Variants in PURB observed in about 807,000 individuals in gnomAD.
The protein encoded by PURB is transcriptional regulator protein Pur-beta.
In PURB, 11 loss-of-function variants were observed where a neutral mutation model predicts 21.1. The ratio of observed to expected loss-of-function variants is 0.52; its 90% CI spans 0.33 to 0.86. The LOEUF is 0.86. PURB is among the 40% of genes least tolerant of loss of function. PURB has a pLI of 0.02. For missense variants in PURB, 357 were observed against 456.5 expected, an observed-to-expected ratio of 0.78 and a Z score of 1.99; for synonymous variants, 246 against 210.8, an observed-to-expected ratio of 1.17 and a Z score of -1.45.
Position 44,884,710 on chromosome 7 carries a change from G to A in PURB, c.639C>T (p.Gly213=), listed in dbSNP as rs1793929734. ...CCTCCGGGAGCTCTCCATACAGGCC[G>A]CCCCCTGGGCCCCCGGCGCCGCCTC... is the stretch of plus-strand genomic sequence containing the variant. ...GPGGGAGGPG[G]GLYGELPEGT... is the part of the protein sequence containing the mutation. Residue 213 remains glycine (G), a synonymous_variant, in exon 1 of 1, where the codon GGC becomes GGT. Transcript: ENST00000395699. 1.2e-6 allele frequency: 2 copies of A among 1,612,972 alleles called. No homozygotes were observed. The highest frequency in any genetic ancestry group is 1.7e-6 in the Non-Finnish European group (2 of 1,179,808).
rs1288381931 is a variant in PURB, at chr7:44,881,043, A to G, written c.*3367T>C. On this transcript the variant is annotated 3_prime_UTR_variant, in exon 1 of 1. Transcript: ENST00000395699. ...AATAGAAACCAAAACCAAAACATAG[A>G]AGGAAGAGTAGTAGGATCTCTTCAC... 2 of 152,638 alleles carry G rather than the reference A, an allele frequency of 1.3e-5. No individual in the cohort carries two copies. Among genetic ancestry groups the G allele is most frequent in the Non-Finnish European group, 2.9e-5 (2 of 68,024 alleles). The allele number at this position is 152,638 out of a possible 1,614,324, so 9.5% of individuals were successfully genotyped here.
Position 44,885,496 on chromosome 7 carries a change from T to TCCGCGCCCCGCCC in PURB, c.-161_-149dup, listed in dbSNP as rs1793946691. Reference sequence around the variant, plus strand: ...CGGCCGCCGCCGCCCCCCCATCGCCTCCGCGCCCCGCCCCCGCGACTTCCG... The same window carrying TCCGCGCCCCGCCC: ...CGGCCGCCGCCGCCCCCCCATCGCCTCCGCGCCCCGCCCCCGCGCCCCGCCCCCGCGACTTCCG... On this transcript the variant is annotated 5_prime_UTR_variant, in exon 1 of 1. Coordinates refer to ENST00000395699, the MANE Select transcript of PURB (RefSeq NM_033224.5). The TCCGCGCCCCGCCC allele has an allele frequency of 5.9e-6, 1 of 169,496 alleles. No homozygotes were observed. Among genetic ancestry groups the TCCGCGCCCCGCCC allele is most frequent in the Non-Finnish European group, 1.2e-5 (1 of 84,604 alleles). 10.5% of individuals were successfully genotyped at this position (169,496 alleles called of 1,614,324 possible).
rs2128690888 is a variant in PURB at position 44,876,382 on chromosome 7, T to C, written c.*8028A>G. The C allele has an allele frequency of 6.5e-6, 1 of 152,800 alleles. No homozygotes were observed. Among genetic ancestry groups the C allele is most frequent in the South Asian group, 2.1e-4 (1 of 4,834 alleles). 9.5% of individuals were successfully genotyped at this position (152,800 alleles called of 1,614,324 possible). A position where few individuals can be genotyped will look rare whatever the true frequency, so the allele number is the denominator to read the frequency against. On this transcript the variant is annotated 3_prime_UTR_variant, in exon 1 of 1. Transcript: ENST00000395699. Reference sequence around the variant, plus strand: ...GTAAAACTCCATTTGCAAAAGTCTATTGTAAGGAGTGCACACCAGCAGGAA... The same window carrying C: ...GTAAAACTCCATTTGCAAAAGTCTACTGTAAGGAGTGCACACCAGCAGGAA...
rs1427313608 is a variant in PURB, at chr7:44,880,934, T to A, written c.*3476A>T. On this transcript the variant is annotated 3_prime_UTR_variant, in exon 1 of 1. Transcript: ENST00000395699. The stretch of plus-strand genomic sequence containing the variant: ...GTTTGGTTTTCACTTTGATTTTTGG[T>A]GCCATACAGATTTATATTTTGTTCT... 1 of 152,664 alleles carries A rather than the reference T, an allele frequency of 6.6e-6. No homozygotes were observed. Among genetic ancestry groups the A allele is most frequent in the East Asian group, 1.9e-4 (1 of 5,202 alleles). 9.5% of individuals were successfully genotyped at this position (152,664 alleles called of 1,614,324 possible). A position where few individuals can be genotyped will look rare whatever the true frequency, so the allele number is the denominator to read the frequency against.
chr7:44,884,333 G>A lies in PURB; in HGVS notation c.*77C>T. On this transcript the variant is annotated 3_prime_UTR_variant, in exon 1 of 1. Coordinates refer to ENST00000395699, the MANE Select transcript of PURB (RefSeq NM_033224.5). ...CTTGCTCCCTCTCCACTAGCTCACT[G>A]GGGATGAGCAGGAAAGGGAATTCTC... is the stretch of plus-strand genomic sequence containing the variant. 1 of 1,557,790 alleles carries A rather than the reference G, an allele frequency of 6.4e-7. No homozygotes were observed. The highest frequency in any genetic ancestry group is 8.6e-7 in the Non-Finnish European group (1 of 1,156,562).
Position 44,883,497 on chromosome 7 carries a change from CA to C in PURB, c.*912del, listed in dbSNP as rs1793909461. 6.6e-6 allele frequency: 1 copy of C among 152,628 alleles called. No homozygotes were observed. 9.5% of individuals were successfully genotyped at this position (152,628 alleles called of 1,614,324 possible). A position where few individuals can be genotyped will look rare whatever the true frequency, so the allele number is the denominator to read the frequency against. On this transcript the variant is annotated 3_prime_UTR_variant, in exon 1 of 1. Transcript: ENST00000395699. ...GGTAATGACCTCCATATTTAGAGATCAGGGGAACAACTTTAGTGAGCAGCAA... is the reference window on the plus strand; with the variant it reads ...GGTAATGACCTCCATATTTAGAGATCGGGGAACAACTTTAGTGAGCAGCAA...
rs1249776123 is a variant in PURB at position 44,884,054 on chromosome 7, T to C, written c.*356A>G. Reference sequence around the variant, plus strand: ...ACTGTTATCAATGGTCTGGGTAACTTGGACATGTTTCTTGCCCTGGATGTG... The same window carrying C: ...ACTGTTATCAATGGTCTGGGTAACTCGGACATGTTTCTTGCCCTGGATGTG... On this transcript the variant is annotated 3_prime_UTR_variant, in exon 1 of 1. Transcript: ENST00000395699. 4 of 306,984 alleles carry C rather than the reference T, an allele frequency of 1.3e-5. No individual in the cohort carries two copies. Among genetic ancestry groups the C allele is most frequent in the Non-Finnish European group, 2.4e-5 (4 of 164,466 alleles). The allele number at this position is 306,984 out of a possible 1,614,324, so 19.0% of individuals were successfully genotyped here. A position where few individuals can be genotyped will look rare whatever the true frequency, so the allele number is the denominator to read the frequency against.
rs1043653822 is a variant in PURB at position 44,881,666 on chromosome 7, T to C, written c.*2744A>G. On this transcript the variant is annotated 3_prime_UTR_variant, in exon 1 of 1. Coordinates refer to ENST00000395699, the MANE Select transcript of PURB (RefSeq NM_033224.5). Reference sequence around the variant, plus strand: ...TTTTTGGAGGATTTTCAAATTGATATCTAAAGATTTACATATGATATATTA... The same window carrying C: ...TTTTTGGAGGATTTTCAAATTGATACCTAAAGATTTACATATGATATATTA... The C allele has an allele frequency of 6.5e-6, 1 of 153,008 alleles. No individual in the cohort carries two copies. Among genetic ancestry groups the C allele is most frequent in the Non-Finnish European group, 1.5e-5 (1 of 68,180 alleles). 9.5% of individuals were successfully genotyped at this position (153,008 alleles called of 1,614,324 possible).
In PURB at chr7:44,884,854, G is replaced by A; in HGVS notation, c.495C>T (p.Gly165=). ...GGFGAGPGPG[G]LQSGQTIALP... ...GCGCGATGGTCTGGCCGCTCTGCAA[G>A]CCGCCCGGCCCGGGGCCCGCGCCGA... The change falls in exon 1 of 1, where the codon GGC becomes GGT. Residue 165 remains glycine, a synonymous_variant. Coordinates refer to ENST00000395699, the MANE Select transcript of PURB (RefSeq NM_033224.5). 2 of 1,561,206 alleles carry A rather than the reference G, an allele frequency of 1.3e-6. No individual in the cohort carries two copies. Among genetic ancestry groups the A allele is most frequent in the Non-Finnish European group, 1.7e-6 (2 of 1,155,106 alleles).
rs1169493201 is a variant in PURB at position 44,883,541 on chromosome 7, T to C, written c.*869A>G. On this transcript the variant is annotated 3_prime_UTR_variant, in exon 1 of 1. Coordinates refer to ENST00000395699, the MANE Select transcript of PURB (RefSeq NM_033224.5). The stretch of plus-strand genomic sequence containing the variant: ...AGCAGCAACCAATCCACTCAAACAG[T>C]CTGCCTTGTGCTTTATGCCTGACTT... The C allele has an allele frequency of 3.3e-5, 5 of 152,618 alleles. No homozygotes were observed. Among genetic ancestry groups the C allele is most frequent in the African/African-American group, 1.2e-4 (5 of 41,448 alleles). 9.5% of individuals were successfully genotyped at this position (152,618 alleles called of 1,614,324 possible).
Position 44,884,367 on chromosome 7 carries a change from G to T in PURB, c.*43C>A. 6.3e-7 allele frequency: 1 copy of T among 1,593,510 alleles called. No individual in the cohort carries two copies. ...CAGGAAAGGGAATTCTCTAGCCAAGGGGATGGTGGTTGGGTGGAGGCCTGT... is the reference window on the plus strand; with the variant it reads ...CAGGAAAGGGAATTCTCTAGCCAAGTGGATGGTGGTTGGGTGGAGGCCTGT... On this transcript the variant is annotated 3_prime_UTR_variant, in exon 1 of 1. Transcript: ENST00000395699.
At position 44,884,295 on chromosome 7, in the gene PURB, C is replaced by T. The variant is rs1175083149; in HGVS notation, c.*115G>A. 2 of 1,501,798 alleles carry T rather than the reference C, an allele frequency of 1.3e-6. No homozygotes were observed. Among genetic ancestry groups the T allele is most frequent in the Non-Finnish European group, 1.8e-6 (2 of 1,133,928 alleles). 93.0% of individuals were successfully genotyped at this position (1,501,798 alleles called of 1,614,324 possible). A position where few individuals can be genotyped will look rare whatever the true frequency, so the allele number is the denominator to read the frequency against. On this transcript the variant is annotated 3_prime_UTR_variant, in exon 1 of 1. Transcript: ENST00000395699. ...AACTGTGTTACGTTTTGTTTTTTCC[C>T]TCTGCGGCCTCCCTTGCTCCCTCTC...
chr7:44,877,182 A>C lies in PURB; in HGVS notation c.*7228T>G, dbSNP rs1307033039. 2 of 152,614 alleles carry C rather than the reference A, an allele frequency of 1.3e-5. No individual in the cohort carries two copies. Among genetic ancestry groups the C allele is most frequent in the Non-Finnish European group, 1.5e-5 (1 of 68,022 alleles). The allele number at this position is 152,614 out of a possible 1,614,324, so 9.5% of individuals were successfully genotyped here. ...TCTAAGAAAGCCACTGGTAGATACT[A>C]TGATTGGCAGTGAAGATTCCTATAG... On this transcript the variant is annotated 3_prime_UTR_variant, in exon 1 of 1. Transcript: ENST00000395699.
chr7:44,885,143 G>A lies in PURB; in HGVS notation c.206C>T (p.Ser69Phe), dbSNP rs1406279353. The A allele has an allele frequency of 1.3e-6, 2 of 1,570,264 alleles. No homozygotes were observed. The highest frequency in any genetic ancestry group is 1.9e-5 in the Admixed American group (1 of 53,050). The part of the protein sequence containing the change: ...LKIAEVGAGG[S>F]KSRLTLSMAV... The stretch of plus-strand genomic sequence containing the variant: ...CATGGACAGCGTGAGGCGGCTCTTG[G>A]AACCGCCCGCGCCCACCTCGGCGAT... Residue 69 changes from serine (S) to phenylalanine (F), a missense_variant, in exon 1 of 1, where the codon TCC becomes TTC. Coordinates refer to ENST00000395699, the MANE Select transcript of PURB (RefSeq NM_033224.5).
rs1370013304 is a variant in PURB at position 44,879,334 on chromosome 7, G to C, written c.*5076C>G. 1 of 152,098 alleles carries C rather than the reference G, an allele frequency of 6.6e-6. No homozygotes were observed. Among genetic ancestry groups the C allele is most frequent in the African/African-American group, 2.4e-5 (1 of 41,420 alleles). The allele number at this position is 152,098 out of a possible 1,614,324, so 9.4% of individuals were successfully genotyped here. A position where few individuals can be genotyped will look rare whatever the true frequency, so the allele number is the denominator to read the frequency against. ...GAGCCACCACGCCCGGCCGCATTTG[G>C]AATCTCAAATGGAGCATATGACACA... On this transcript the variant is annotated 3_prime_UTR_variant, in exon 1 of 1. Coordinates refer to ENST00000395699, the MANE Select transcript of PURB (RefSeq NM_033224.5).
In PURB at chr7:44,884,781, T is replaced by C. The variant is rs1244546572; in HGVS notation, c.568A>G (p.Ile190Val). ...TCGTCCTCGCCTCCGTAGTCGTCTATGAGCTTCGCCAGCGCGTCGCGGAAC... is the reference window on the plus strand; with the variant it reads ...TCGTCCTCGCCTCCGTAGTCGTCTACGAGCTTCGCCAGCGCGTCGCGGAAC... The part of the protein sequence containing the change: ...IEFRDALAKL[I>V]DDYGGEDDEL... Residue 190 changes from isoleucine (I) to valine (V), a missense_variant, in exon 1 of 1, where the codon ATA becomes GTA. By Grantham distance (29) the Ile-to-Val change is conservative. Transcript: ENST00000395699. The C allele has an allele frequency of 1.9e-6, 3 of 1,608,402 alleles. No individual in the cohort carries two copies. The highest frequency in any genetic ancestry group is 1.3e-5 in the African/African-American group (1 of 74,748).
rs1355962720 is a variant in PURB at position 44,877,068 on chromosome 7, C to A, written c.*7342G>T. On this transcript the variant is annotated 3_prime_UTR_variant, in exon 1 of 1. Transcript: ENST00000395699. ...TACATCTAGATCAGGAAGCTGTCTC[C>A]TGCTATCAAGATTTGGTTTTAATTC... The A allele has an allele frequency of 6.6e-6, 1 of 152,574 alleles. No individual in the cohort carries two copies. Among genetic ancestry groups the A allele is most frequent in the African/African-American group, 2.4e-5 (1 of 41,442 alleles). 9.5% of individuals were successfully genotyped at this position (152,574 alleles called of 1,614,324 possible).
Position 44,884,528 on chromosome 7 carries a change from C to T in PURB, c.821G>A (p.Arg274Gln), listed in dbSNP as rs1793926589. Residue 274 changes from arginine (R) to glutamine (Q), a missense_variant, in exon 1 of 1, where the codon CGG becomes CAG. Transcript: ENST00000395699. ...GATTTCTTTCATCTCATCCGCATAC[C>T]GGCAAAAGGCGCCTCCGAACTTGCC... ...AWGKFGGAFC[R>Q]YADEMKEIQE... The T allele has an allele frequency of 1.2e-6, 2 of 1,613,986 alleles. No homozygotes were observed. Among genetic ancestry groups the T allele is most frequent in the African/African-American group, 2.7e-5 (2 of 74,910 alleles).
rs2128692234 is a variant in PURB, at chr7:44,884,536, G to C, written c.813C>G (p.Ala271=). ...PFKAWGKFGG[A]FCRYADEMKE... ...TCATCTCATCCGCATACCGGCAAAAGGCGCCTCCGAACTTGCCCCAGGCTT... is the reference window on the plus strand; with the variant it reads ...TCATCTCATCCGCATACCGGCAAAACGCGCCTCCGAACTTGCCCCAGGCTT... The change falls in exon 1 of 1, where the codon GCC becomes GCG. Residue 271 remains alanine (A), a synonymous_variant. Coordinates refer to ENST00000395699, the MANE Select transcript of PURB (RefSeq NM_033224.5). 6.2e-7 allele frequency: 1 copy of C among 1,614,144 alleles called. No individual in the cohort carries two copies. The highest frequency in any genetic ancestry group is 1.1e-5 in the South Asian group (1 of 91,080).
Sources: allele counts gnomAD v4.1 joint callset, GRCh38; gene constraint gnomAD v4.1.1; transcripts MANE v1.5; gene names NCBI Gene and HGNC (gene_info 2026-07-23, HGNC 2026-07-21).